Variants in ADISSP observed in about 807,000 individuals in gnomAD.
ADISSP encodes the protein adipose-secreted signaling protein.
At chr20:3,760,643 G>A in the ADISSP span, among the ~76,000 whole-genome samples, 17 of 152,316 alleles carry the variant, frequency 1.1e-4, no homozygotes, top group South Asian at 2.5e-3. Flanking sequence ...CAGGGTGCTC[G>A]ATGGTGGGCA....
the ADISSP span, among the ~76,000 whole-genome samples, chr20:3,766,727 T>C: frequency 6.6e-6 from 1 of 152,056 alleles, no homozygotes; most frequent in Admixed American, 6.5e-5. Context: ...GCCTCGTAGC[T>C]CAGGATGGAT....
the ADISSP span, among the ~76,000 whole-genome samples, chr20:3,765,092 G>A: frequency 3.3e-5 from 5 of 152,342 alleles, 1 homozygote; most frequent in East Asian, 1.9e-4. Flanking sequence ...CAACATAGAG[G>A]CAGGAAGCAA....
chr20:3,760,185 G>A, the ADISSP span: 1 of 1,183,720 alleles, frequency 8.4e-7, no homozygotes, highest in Non-Finnish European at 1.2e-6. Context: ...ACCAGCGGGA[G>A]CCTGAAGGAT....
the ADISSP span, chr20:3,753,853 C>G: frequency 1.7e-6 from 1 of 601,248 alleles, no homozygotes; most frequent in Non-Finnish European, 3.0e-6. Flanking sequence ...CTGAGGCACA[C>G]AGAGAGGAGG....
the ADISSP span, chr20:3,753,824 C>A: frequency 1.7e-6 from 1 of 584,056 alleles, no homozygotes; most frequent in Non-Finnish European, 3.1e-6. Context: ...GGGCTCAACC[C>A]ATTTCTTCCG....
the ADISSP span, chr20:3,754,047 G>A: frequency 6.3e-7 from 1 of 1,599,944 alleles, no homozygotes; most frequent in Non-Finnish European, 8.6e-7. Context: ...GGGCAGGCGG[G>A]GCCTCGGGCC....
At chr20:3,758,043 C>T in the ADISSP span, among the ~76,000 whole-genome samples, 1,583 of 152,214 alleles carry the variant, frequency 0.01, 20 homozygotes, top group African/African-American at 0.036. This position sits in a 1 kb window ranked among gnomAD's most constrained non-coding sequence, Gnocchi z 5.5. Flanking sequence ...CTTCAAAGAG[C>T]CTAACTGAGC....
chr20:3,767,170 C>T, the ADISSP span: 5 of 152,284 alleles, frequency 3.3e-5, no homozygotes, highest in Non-Finnish European at 5.9e-5. Context: ...CGGCTCTGTC[C>T]CTCGGAGATA....
chr20:3,757,243 T>A, the ADISSP span, among the ~76,000 whole-genome samples: 1 of 151,790 alleles, frequency 6.6e-6, no homozygotes, highest in Non-Finnish European at 1.5e-5. Context: ...CCAGCTACTC[T>A]GGAGGCTGAG....
chr20:3,758,372 A>T, the ADISSP span, among the ~76,000 whole-genome samples: 1 of 152,158 alleles, frequency 6.6e-6, no homozygotes, highest in Non-Finnish European at 1.5e-5. This position sits in a 1 kb window ranked among gnomAD's most constrained non-coding sequence, Gnocchi z 5.5. Context: ...CTCTCATCTC[A>T]TTGAAATCTC....
At chr20:3,759,962 C>T in the ADISSP span, 1 of 1,431,030 alleles carries the variant, frequency 7.0e-7, no homozygotes, top group Non-Finnish European at 9.5e-7. This position sits in a 1 kb window ranked among gnomAD's most constrained non-coding sequence, Gnocchi z 4.6. Flanking sequence ...AGCACACACG[C>T]ACTCACACAT....
chr20:3,754,559 G>A, the ADISSP span: 2 of 1,599,682 alleles, frequency 1.3e-6, no homozygotes, highest in Admixed American at 1.7e-5. Flanking sequence ...ACCTCCCCCA[G>A]CCTCCCCGAT....
chr20:3,757,556 C>T, the ADISSP span, among the ~76,000 whole-genome samples: 1 of 152,144 alleles, frequency 6.6e-6, no homozygotes, highest in Non-Finnish European at 1.5e-5. Context: ...CTTGGGGAAG[C>T]TGTCAGCTGT....
chr20:3,762,454 G>A, the ADISSP span, among the ~76,000 whole-genome samples: 1 of 151,932 alleles, frequency 6.6e-6, no homozygotes, highest in Non-Finnish European at 1.5e-5. Flanking sequence ...CACTGCCACC[G>A]TAATCTCCCA....
the ADISSP span, among the ~76,000 whole-genome samples, chr20:3,767,024 G>T: frequency 6.6e-6 from 1 of 152,044 alleles, no homozygotes; most frequent in Non-Finnish European, 1.5e-5. Flanking sequence ...TCCAGGTGTA[G>T]GACCCTTTAT....
At chr20:3,759,961 GCACTCACACATGCACACACACA>G in the ADISSP span, 3 of 1,427,956 alleles carry the variant, frequency 2.1e-6, no homozygotes, top group African/African-American at 4.0e-5. This position sits in a 1 kb window ranked among gnomAD's most constrained non-coding sequence, Gnocchi z 4.6. Context: ...CAGCACACAC[GCACTCACACATGCACACACACA>G]CACACAGGTG....
chr20:3,763,736 G>C, the ADISSP span, among the ~76,000 whole-genome samples: 3 of 152,162 alleles, frequency 2.0e-5, no homozygotes, highest in Admixed American at 6.5e-5. Flanking sequence ...ATCAGTCCAG[G>C]GACAGAAGAG....
At chr20:3,756,731 T>G in the ADISSP span, among the ~76,000 whole-genome samples, 2 of 152,194 alleles carry the variant, frequency 1.3e-5, no homozygotes, top group Non-Finnish European at 2.9e-5. Flanking sequence ...TTATAGAATT[T>G]TCCAGGGGAA....
chr20:3,764,693 C>T, the ADISSP span, among the ~76,000 whole-genome samples: 1 of 152,252 alleles, frequency 6.6e-6, no homozygotes, highest in Admixed American at 6.5e-5. Context: ...CAGCGCAGCA[C>T]CAGACAGGGA....
Sources: gnomAD v4.1 joint callset for allele counts (sites outside exome capture counted in the v4.1 genomes callset) on GRCh38, gnomAD v4.1.1 for gene constraint, Gnocchi (gnomAD v3.1) non-coding constraint, MANE v1.5 for transcripts, NCBI Gene and HGNC (gene_info 2026-07-23, HGNC 2026-07-21) for gene names.